INSYN2B: variants seen among roughly 807,000 people sequenced by gnomAD.
INSYN2B encodes protein INSYN2B.
INSYN2B carries 16 observed loss-of-function variants against 41.2 expected under a neutral mutation model. The ratio of observed to expected loss-of-function variants is 0.39; its 90% CI spans 0.26 to 0.59. The LOEUF (loss-of-function observed/expected upper bound fraction) is 0.59. Among genes scored for constraint, INSYN2B ranks in the 20% least tolerant of loss-of-function variants. The probability of loss-of-function intolerance (pLI) is 0.57; values close to 1 mark genes in which losing one functional copy is unlikely to be tolerated. For synonymous variants in INSYN2B, 245 were observed against 244.4 expected (o/e 1.00, Z -0.02); for missense variants, 608 against 646.4 (o/e 0.94, Z 0.64).
chr5:169,950,139 A>C (rs1342114817), intron 1 of INSYN2B, among the ~76,000 whole-genome samples: 4 of 152,062 alleles, frequency 2.6e-5, no homozygotes, highest in Admixed American at 2.6e-4. Context: ...TTTCTGTTCT[A>C]CTATCATGAG....
chr5:169,964,465 T>C (rs766862341), intron 1 of INSYN2B, among the ~76,000 whole-genome samples: 13 of 152,220 alleles, frequency 8.5e-5, no homozygotes, highest in Non-Finnish European at 1.8e-4. Context: ...CTAGACGCAG[T>C]GAACTGTGTC....
At chr5:169,903,213 G>A (rs1347548810) in intron 1 of INSYN2B, among the ~76,000 whole-genome samples, 1 of 151,136 alleles carries the variant, frequency 6.6e-6, no homozygotes, top group Non-Finnish European at 1.5e-5. Flanking sequence ...GGAATTTGAG[G>A]CTACAGTGAG....
chr5:169,881,544 C>CGGTGCTCTGAA (rs1772648605), intron 2 of INSYN2B, 102 bp from the exon 3 acceptor site: 1 of 866,312 alleles, frequency 1.2e-6, no homozygotes, highest in Admixed American at 2.1e-5. Context: ...ACAGCATTCA[C>CGGTGCTCTGAA]GGTGCTCTGA....
chr5:169,924,357 A>G (rs1775329189), intron 1 of INSYN2B, among the ~76,000 whole-genome samples: 1 of 152,226 alleles, frequency 6.6e-6, no homozygotes, highest in Non-Finnish European at 1.5e-5. Context: ...TTTGCTCCCT[A>G]AAAGTCTAAC....
intron 1 of INSYN2B, among the ~76,000 whole-genome samples, chr5:169,952,948 T>C (rs556388682): frequency 6.6e-6 from 1 of 152,208 alleles, no homozygotes; most frequent in Non-Finnish European, 1.5e-5. Context: ...AGGTTGATTG[T>C]GGTAAAGGGA....
intron 1 of INSYN2B, among the ~76,000 whole-genome samples, chr5:169,976,253 T>G (rs1777714299): frequency 6.6e-6 from 1 of 152,122 alleles, no homozygotes; most frequent in African/African-American, 2.4e-5. Context: ...CGTGGCGGGT[T>G]TTTAAGAGAA....
rs570588116 is a variant in INSYN2B, at chr5:169,929,143, C to T, written c.-918-44327G>A. On this transcript the variant is annotated intron_variant, in intron 1 of 3. Transcript: ENST00000377365. ...CCAGAGTGCCTATGCAGGAAGCCCA[C>T]GCACATAGCACTTAGGCATAGCAGG... 3.5e-4 allele frequency among the ~76,000 whole-genome samples: 54 copies of T among 152,300 alleles called. No homozygotes were observed. In the South Asian group the frequency reaches 0.011, roughly 31 times the overall value.
rs70979150 is a variant in INSYN2B at position 169,961,978 on chromosome 5, C to CAAAAAAAAAAAAAAAAAAAAAAAA, written c.-919+18298_-919+18299insTTTTTTTTTTTTTTTTTTTTTTTT. On this transcript the variant is annotated intron_variant, in intron 1 of 3. Transcript: ENST00000377365. Reference sequence around the variant, plus strand: ...TGGGTGAAAAAGTGAGACTCTGTCCCAAAAAAAAAAAAAAAAATGGAGAAA... The same window carrying CAAAAAAAAAAAAAAAAAAAAAAAA: ...TGGGTGAAAAAGTGAGACTCTGTCCCAAAAAAAAAAAAAAAAAAAAAAAAAAAAAAAAAAAAAAAAATGGAGAAA... Among the ~76,000 whole-genome samples the CAAAAAAAAAAAAAAAAAAAAAAAA allele has an allele frequency of 2.9e-4, 22 of 74,624 alleles. 5 individuals are homozygous for CAAAAAAAAAAAAAAAAAAAAAAAA. Among genetic ancestry groups the CAAAAAAAAAAAAAAAAAAAAAAAA allele is most frequent in the African/African-American group, 6.8e-4 (10 of 14,774 alleles). The allele number at this position is 74,624 out of a possible 152,430, so 49.0% of individuals were successfully genotyped here.
At chr5:169,958,751 G>C (rs1776963205) in intron 1 of INSYN2B, among the ~76,000 whole-genome samples, 1 of 152,134 alleles carries the variant, frequency 6.6e-6, no homozygotes, top group Admixed American at 6.5e-5. Flanking sequence ...GCAATAGAGG[G>C]CATTCAGGCA....
chr5:169,870,684 TG>T (rs2113455606), intron 3 of INSYN2B, among the ~76,000 whole-genome samples: 1 of 152,252 alleles, frequency 6.6e-6, no homozygotes, highest in East Asian at 1.9e-4. Context: ...ACATGTGCCA[TG>T]TTGGTATGCT....
At chr5:169,961,833 G>T (rs1561852850) in intron 1 of INSYN2B, among the ~76,000 whole-genome samples, 1 of 151,790 alleles carries the variant, frequency 6.6e-6, no homozygotes, top group Non-Finnish European at 1.5e-5. Flanking sequence ...CAAAAAATTA[G>T]CTGAGTGTGG....
intron 1 of INSYN2B, among the ~76,000 whole-genome samples, chr5:169,951,589 T>C (rs1414748827): frequency 2.6e-5 from 4 of 152,188 alleles, no homozygotes; most frequent in Non-Finnish European, 5.9e-5. Flanking sequence ...ACCCATTCAT[T>C]CAACAGATAG....
chr5:169,869,602 A>G (rs1268986078), intron 3 of INSYN2B, among the ~76,000 whole-genome samples: 1 of 152,112 alleles, frequency 6.6e-6, no homozygotes, highest in Admixed American at 6.5e-5. Context: ...TCTGCTTTTT[A>G]TCTTGAGGCT....
chr5:169,963,080 G>A (rs7713679), intron 1 of INSYN2B, among the ~76,000 whole-genome samples: 56,668 of 151,960 alleles, frequency 0.37, 10,884 homozygotes, highest in South Asian at 0.56. Context: ...AATATCTACT[G>A]GGTTCCCCTG....
intron 1 of INSYN2B, among the ~76,000 whole-genome samples, chr5:169,964,599 C>A (rs1367947953): frequency 6.6e-5 from 10 of 152,182 alleles, no homozygotes; most frequent in African/African-American, 2.4e-4. Flanking sequence ...AAAGGGCCAC[C>A]CTTGAAGGGG....
rs1776790191 is a variant in INSYN2B at position 169,954,573 on chromosome 5, G to A, written c.-919+25704C>T. Among the ~76,000 whole-genome samples the A allele has an allele frequency of 4.6e-5, 7 of 152,328 alleles. No individual in the cohort carries two copies. The South Asian group carries it at 1.2e-3, about 27-fold the overall frequency. On this transcript the variant is annotated intron_variant, in intron 1 of 3. Transcript: ENST00000377365. ...GCCTGGGTGCAGAAGGGACCCATAA[G>A]CTTATCCATCCCTGTTCTTCTATTT...
At position 169,884,183 on chromosome 5, in the gene INSYN2B, G is replaced by A; in HGVS notation, c.-285C>T. ...GAGTTAGGCTAACTATTAAACATCT[G>A]ATCTACCAAGAGAGCTGGTAGGCGG... On this transcript the variant is annotated 5_prime_UTR_variant, in exon 2 of 4. An upstream open reading frame in the 5' UTR gains an earlier in-frame stop. Coordinates refer to ENST00000377365, the MANE Select transcript of INSYN2B (RefSeq NM_001129891.3). 3.8e-6 allele frequency: 1 copy of A among 263,224 alleles called. No homozygotes were observed. The highest frequency in any genetic ancestry group is 7.1e-6 in the Non-Finnish European group (1 of 140,642). The allele number at this position is 263,224 out of a possible 1,614,324, so 16.3% of individuals were successfully genotyped here. A position where few individuals can be genotyped will look rare whatever the true frequency, so the allele number is the denominator to read the frequency against.
chr5:169,876,130 TCTC>T (rs1156859399), intron 3 of INSYN2B, among the ~76,000 whole-genome samples: 1 of 152,124 alleles, frequency 6.6e-6, no homozygotes, highest in Non-Finnish European at 1.5e-5. Flanking sequence ...TGGCGTCACA[TCTC>T]CTTCTCTGAC....
chr5:169,923,008 T>C (rs1355092286), intron 1 of INSYN2B, among the ~76,000 whole-genome samples: 1 of 152,228 alleles, frequency 6.6e-6, no homozygotes, highest in Non-Finnish European at 1.5e-5. Context: ...CAGACAGATA[T>C]AATTTTACCG....
Sources: allele counts gnomAD v4.1 joint callset (sites outside exome capture counted in the v4.1 genomes callset), GRCh38; gene constraint gnomAD v4.1.1; transcripts MANE v1.5; gene names NCBI Gene and HGNC (gene_info 2026-07-23, HGNC 2026-07-21).